Variants in DAB1 observed in about 807,000 individuals in gnomAD.
DAB1 encodes DAB adaptor protein 1.
In DAB1, 15 loss-of-function variants were observed where a neutral mutation model predicts 64.6. That is an observed-to-expected ratio of 0.23 (90% confidence interval 0.16 to 0.36). The LOEUF (loss-of-function observed/expected upper bound fraction) is 0.36. Ranked by LOEUF, DAB1 falls within the 10% of genes least tolerant of loss-of-function variation. The pLI is 1.00. For missense variants in DAB1, 596 were observed against 706.7 expected (o/e 0.84, Z 1.78); for synonymous variants, 235 against 251.9 (o/e 0.93, Z 0.64).
intron 2 of DAB1, among the ~76,000 whole-genome samples, chr1:57,223,357 T>A (rs1451042373): frequency 1.3e-5 from 2 of 152,174 alleles, no homozygotes; most frequent in African/African-American, 2.4e-5. Context: ...GGTCCACAAC[T>A]TTGGTCCAGG....
intron 5 of DAB1, among the ~76,000 whole-genome samples, chr1:57,922,587 G>C (rs1644823400): frequency 6.6e-6 from 1 of 151,920 alleles, no homozygotes; most frequent in African/African-American, 2.4e-5. Flanking sequence ...TGGGTAAGTT[G>C]GAAAATGCAC....
chr1:58,152,470 C>T (rs546009052), intron 4 of DAB1, among the ~76,000 whole-genome samples: 1 of 152,296 alleles, frequency 6.6e-6, no homozygotes, highest in Non-Finnish European at 1.5e-5. Context: ...AGGCACAAGC[C>T]TTCCTCCTGG....
chr1:58,389,203 C>T (rs185873673), intron 3 of DAB1, among the ~76,000 whole-genome samples: 16 of 152,234 alleles, frequency 1.1e-4, no homozygotes, highest in Admixed American at 2.6e-4. Context: ...TTTGGGAGGC[C>T]GAGTGGGGAG....
In DAB1 at chr1:57,329,319, C is replaced by T. The variant is rs940044187; in HGVS notation, c.-136-38153G>A. Among the ~76,000 whole-genome samples the T allele has an allele frequency of 4.6e-5, 7 of 152,198 alleles. No homozygotes were observed. In the South Asian group the frequency reaches 1.0e-3, roughly 23 times the overall value. On this transcript the variant is annotated intron_variant, in intron 1 of 14. Coordinates refer to ENST00000371236, the MANE Select transcript of DAB1 (RefSeq NM_001365792.1). ...GCCCATGAGAAGCCCTTGAGAACTC[C>T]GTACTGTGTCCCATGACATGAGCTA...
chr1:57,303,864 C>T (rs762020261), intron 1 of DAB1, among the ~76,000 whole-genome samples: 10 of 152,086 alleles, frequency 6.6e-5, no homozygotes, highest in South Asian at 2.1e-4. Context: ...CCAGGCTCTA[C>T]GGCTATTCCT....
At chr1:57,400,479 A>G (rs1337576755) in intron 1 of DAB1, among the ~76,000 whole-genome samples, 1 of 152,118 alleles carries the variant, frequency 6.6e-6, no homozygotes, top group Non-Finnish European at 1.5e-5. Flanking sequence ...TCTTTCCACT[A>G]ATACAACCAT....
At chr1:58,000,564 CTTTTTT>C in intron 5 of DAB1, among the ~76,000 whole-genome samples, 1 of 95,740 alleles carries the variant, frequency 1.0e-5, no homozygotes, top group Non-Finnish European at 1.9e-5. Flanking sequence ...TCTTTTTTGC[CTTTTTT>C]TTTTTTTTTT....
At chr1:58,452,596 G>C (rs1645149876) in intron 3 of DAB1, among the ~76,000 whole-genome samples, 2 of 150,810 alleles carry the variant, frequency 1.3e-5, no homozygotes, top group Admixed American at 1.3e-4. Context: ...GATCACCTGA[G>C]GTCAGGAGTT....
At chr1:57,511,494 C>A (rs1275679320) in intron 7 of DAB1, among the ~76,000 whole-genome samples, 1 of 152,220 alleles carries the variant, frequency 6.6e-6, no homozygotes, top group Non-Finnish European at 1.5e-5. Flanking sequence ...ATAATATCTC[C>A]TCCATAAATG....
In DAB1 at chr1:57,441,633, C is replaced by T. The variant is rs193098387; in HGVS notation, n.626-150467G>A. On this transcript the variant is annotated intron_variant and non_coding_transcript_variant, in intron 7 of 20. Transcript: ENST00000485760. ...CCTCCCAAAGTGCTGAGATTACAGG[C>T]GTGAGTCACCATGTGCAGCCACCAT... 4.6e-5 allele frequency among the ~76,000 whole-genome samples: 7 copies of T among 152,212 alleles called. 1 individual carries two copies. Among genetic ancestry groups the T allele is most frequent in the East Asian group, 3.9e-4 (2 of 5,178 alleles).
intron 1 of DAB1, chr1:57,861,147 T>C (rs911798736): frequency 6.6e-6 from 1 of 152,238 alleles, no homozygotes; most frequent in Non-Finnish European, 1.5e-5. Context: ...CACTCGCCCA[T>C]AGCTATGAGT....
chr1:57,942,017 A>C (rs1645113394), intron 5 of DAB1, among the ~76,000 whole-genome samples: 1 of 152,156 alleles, frequency 6.6e-6, no homozygotes, highest in African/African-American at 2.4e-5. Context: ...CAAGTGTTTC[A>C]ATATTTTTTC....
At chr1:58,427,023 A>G (rs958522515) in intron 3 of DAB1, among the ~76,000 whole-genome samples, 3 of 152,212 alleles carry the variant, frequency 2.0e-5, no homozygotes, top group African/African-American at 7.2e-5. Flanking sequence ...CAGCAAGTGC[A>G]AAGGCTCTGA....
intron 5 of DAB1, among the ~76,000 whole-genome samples, chr1:58,032,598 A>G (rs895805457): frequency 6.6e-6 from 1 of 152,160 alleles, no homozygotes; most frequent in African/African-American, 2.4e-5. Flanking sequence ...AGGAGTTGTC[A>G]TCTGTGTTTC....
At chr1:58,066,916 G>A (rs1458838448) in intron 5 of DAB1, among the ~76,000 whole-genome samples, 1 of 152,176 alleles carries the variant, frequency 6.6e-6, no homozygotes, top group Non-Finnish European at 1.5e-5. Context: ...ACATTTCACA[G>A]GCTAAACTCA....
intron 5 of DAB1, among the ~76,000 whole-genome samples, chr1:58,068,138 G>A (rs766174646): frequency 6.6e-6 from 1 of 152,192 alleles, no homozygotes; most frequent in African/African-American, 2.4e-5. Context: ...CATTGGGTCC[G>A]TGAAGAGCAC....
intron 2 of DAB1, among the ~76,000 whole-genome samples, chr1:57,154,481 T>C (rs1157539479): frequency 1.3e-5 from 2 of 152,336 alleles, no homozygotes; most frequent in East Asian, 3.9e-4. Flanking sequence ...TCTTAGTTAT[T>C]GTCAACAGTG....
intron 6 of DAB1, among the ~76,000 whole-genome samples, chr1:57,676,028 T>C (rs1646562552): frequency 1.3e-5 from 2 of 152,222 alleles, no homozygotes; most frequent in African/African-American, 4.8e-5. Flanking sequence ...AGTTAAGGAC[T>C]GGAGCCAGAG....
intron 2 of DAB1, among the ~76,000 whole-genome samples, chr1:57,207,446 C>CTTTTTTTTTTTTTTTT (rs772989513): frequency 0.017 from 1,673 of 98,132 alleles, 283 homozygotes; most frequent in Non-Finnish European, 0.027. Flanking sequence ...TATTTCCTTT[C>CTTTTTTTTTTTTTTTT]TTTTTTTTTT....
Sources: allele counts gnomAD v4.1 joint callset (sites outside exome capture counted in the v4.1 genomes callset), GRCh38; gene constraint gnomAD v4.1.1; transcripts MANE v1.5; gene names NCBI Gene and HGNC (gene_info 2026-07-23, HGNC 2026-07-21).